Variants in RNF145 observed in about 807,000 individuals in gnomAD.
The protein encoded by RNF145 is ring finger protein 145.
RNF145 carries 12 observed loss-of-function variants against 57.3 expected under a neutral mutation model. That is an observed-to-expected ratio of 0.21 (90% CI 0.13 to 0.34). The LOEUF is 0.34. Among genes scored for constraint, RNF145 ranks in the 10% least tolerant of loss-of-function variants. The probability of loss-of-function intolerance (pLI) is 1.00; values close to 1 mark genes in which losing one functional copy is unlikely to be tolerated. For missense variants in RNF145, 429 were observed against 799.0 expected (o/e 0.54, Z 5.58); for synonymous variants, 262 against 288.3 (o/e 0.91, Z 0.92).
Position 159,208,021 on chromosome 5 carries a change from C to A in RNF145, c.-40+1210G>T, listed in dbSNP as rs185665460. 4.6e-6 allele frequency: 7 copies of A among 1,533,318 alleles called. No homozygotes were observed. In the African/African-American group the frequency reaches 9.6e-5, roughly 21 times the overall value. 95.0% of individuals were successfully genotyped at this position (1,533,318 alleles called of 1,614,324 possible). ...AAAAAGACACACAGTCCTCTCCTTCCCTTTCAGACTAGTTTCCTCTTTACT... is the reference window on the plus strand; with the variant it reads ...AAAAAGACACACAGTCCTCTCCTTCACTTTCAGACTAGTTTCCTCTTTACT... On this transcript the variant is annotated intron_variant, in intron 1 of 10. Transcript: ENST00000424310.
rs1244530194 is a variant in RNF145 at position 159,183,753 on chromosome 5, G to A, written c.294-1702C>T. Reference sequence around the variant, plus strand: ...TGGTCATAGCATATCTCTCTCCAATGGATACAGTTTAAACAGGGGCCAGGA... The same window carrying A: ...TGGTCATAGCATATCTCTCTCCAATAGATACAGTTTAAACAGGGGCCAGGA... On this transcript the variant is annotated intron_variant, in intron 3 of 10. Transcript: ENST00000424310. Among the ~76,000 whole-genome samples, 4 of 152,144 alleles carry A rather than the reference G, an allele frequency of 2.6e-5. No individual in the cohort carries two copies. The East Asian group carries it at 7.7e-4, about 29-fold the overall frequency.
intron 3 of RNF145, among the ~76,000 whole-genome samples, chr5:159,185,907 G>C (rs1367316582): frequency 6.6e-6 from 1 of 152,060 alleles, no homozygotes. Flanking sequence ...CTCAAACTGG[G>C]GCCACAAGGA....
At chr5:159,160,791 T>C (rs183062796) in intron 10 of RNF145, among the ~76,000 whole-genome samples, 5 of 152,312 alleles carry the variant, frequency 3.3e-5, no homozygotes, top group East Asian at 1.9e-4. Context: ...ACCAAATGCT[T>C]GTACCCTCGG....
intron 5 of RNF145, among the ~76,000 whole-genome samples, chr5:159,175,871 A>C (rs943491499): frequency 6.6e-6 from 1 of 152,178 alleles, no homozygotes; most frequent in African/African-American, 2.4e-5. Flanking sequence ...GTGACATTTT[A>C]ACACTCTCTT....
chr5:159,209,450 C>CG lies in RNF145; in HGVS notation c.-260dup. On this transcript the variant is annotated 5_prime_UTR_variant, in exon 1 of 11. Transcript: ENST00000424310. ...GCGGCCCGGCCCGTACGGTCACCAT[C>CG]GTCCGCGGCAGCAGGCGCTCGCGGG... is the stretch of plus-strand genomic sequence containing the variant. 1.0e-6 allele frequency: 1 copy of CG among 982,732 alleles called. No individual in the cohort carries two copies. Among genetic ancestry groups the CG allele is most frequent in the Non-Finnish European group, 1.2e-6 (1 of 827,282 alleles). 60.9% of individuals were successfully genotyped at this position (982,732 alleles called of 1,614,324 possible). A position where few individuals can be genotyped will look rare whatever the true frequency, so the allele number is the denominator to read the frequency against.
At chr5:159,194,634 C>G (rs1785394253) in intron 3 of RNF145, 82 bp downstream of exon 3, 2 of 882,856 alleles carry the variant, frequency 2.3e-6, no homozygotes, top group Non-Finnish European at 3.7e-6. Context: ...CTTTACTTAA[C>G]AGTGTTCATG....
intron 1 of RNF145, chr5:159,207,905 C>T (rs767752972): frequency 6.2e-7 from 1 of 1,612,320 alleles, no homozygotes; most frequent in African/African-American, 1.3e-5. Flanking sequence ...ATCGGCCGCT[C>T]AGCCTGGGTC....
At chr5:159,182,611 A>G (rs1190769296) in intron 3 of RNF145, among the ~76,000 whole-genome samples, 1 of 152,176 alleles carries the variant, frequency 6.6e-6, no homozygotes, top group African/African-American at 2.4e-5. Context: ...AGTAGGCTAC[A>G]TATTTACTTT....
In RNF145 at chr5:159,158,788, C is replaced by A. The variant is rs745401448; in HGVS notation, c.1874G>T (p.Gly625Val). Residue 625 changes from glycine to valine, a missense_variant, in exon 11 of 11, where the codon GGT becomes GTT. Transcript: ENST00000424310. The stretch of plus-strand genomic sequence containing the variant: ...AATGTACTCATTATTGTCCCTGGAA[C>A]CTTCCTGTATCCTGGTCCCTGGAGT... ...EHTPGTRIQE[G>V]SRDNNEYIAR... 1.2e-6 allele frequency: 2 copies of A among 1,613,966 alleles called. No homozygotes were observed. The highest frequency in any genetic ancestry group is 1.7e-6 in the Non-Finnish European group (2 of 1,179,866).
rs1322066159 is a variant in RNF145 at position 159,192,050 on chromosome 5, A to AG, written c.293+2665dup. Reference sequence around the variant, plus strand: ...AACCAACCAAGAATCGAAAATATTCAGAAAAAAAAAAAAACTGCAATTGGA... The same window carrying AG: ...AACCAACCAAGAATCGAAAATATTCAGGAAAAAAAAAAAAACTGCAATTGGA... On this transcript the variant is annotated intron_variant, in intron 3 of 10. Transcript: ENST00000424310. 4.7e-5 allele frequency among the ~76,000 whole-genome samples: 7 copies of AG among 150,276 alleles called. No individual in the cohort carries two copies. In the South Asian group the frequency reaches 8.4e-4, roughly 18 times the overall value.
At chr5:159,201,271 T>C (rs563226189) in intron 2 of RNF145, among the ~76,000 whole-genome samples, 1 of 152,326 alleles carries the variant, frequency 6.6e-6, no homozygotes, top group South Asian at 2.1e-4. Flanking sequence ...GTGGGCATCC[T>C]GGAACCAACT....
chr5:159,207,827 A>G (rs1474791581), intron 1 of RNF145: 1 of 1,614,158 alleles, frequency 6.2e-7, no homozygotes, highest in East Asian at 2.2e-5. Flanking sequence ...CAGGGAGTCT[A>G]CTCTGAATAC....
At chr5:159,208,769 G>C (rs150326009) in intron 1 of RNF145, among the ~76,000 whole-genome samples, 228 of 152,146 alleles carry the variant, frequency 1.5e-3, no homozygotes, top group Middle Eastern at 3.4e-3. Context: ...AACGAGAAAG[G>C]GAGCTGGAAA....
intron 1 of RNF145, chr5:159,207,966 T>C (rs1785958570): frequency 6.3e-7 from 1 of 1,593,842 alleles, no homozygotes; most frequent in African/African-American, 1.3e-5. Context: ...CAAGATTCAG[T>C]AAAACTGCAC....
rs1277307839 is a variant in RNF145, at chr5:159,178,208, AAATT to A, written c.386-1345_386-1342del. Among the ~76,000 whole-genome samples, 3 of 151,916 alleles carry A rather than the reference AAATT, an allele frequency of 2.0e-5. No individual in the cohort carries two copies. The East Asian group carries it at 5.8e-4, about 29-fold the overall frequency. On this transcript the variant is annotated intron_variant, in intron 4 of 10. Transcript: ENST00000424310. ...TAGCTAATTTTTAATTTTAACTTAAAAATTAATACATTTGATTTATTGTGGAATA... is the reference window on the plus strand; with the variant it reads ...TAGCTAATTTTTAATTTTAACTTAAAAATACATTTGATTTATTGTGGAATA...
At chr5:159,190,840 G>C (rs1003923832) in intron 3 of RNF145, among the ~76,000 whole-genome samples, 5 of 151,874 alleles carry the variant, frequency 3.3e-5, no homozygotes, top group African/African-American at 1.2e-4. Flanking sequence ...AATAATTCAA[G>C]GACAGCACAT....
intron 1 of RNF145, chr5:159,207,736 T>C (rs533598409): frequency 1.2e-6 from 2 of 1,614,106 alleles, no homozygotes; most frequent in African/African-American, 1.3e-5. Flanking sequence ...CACTCCTTGC[T>C]AGCTAACTTT....
chr5:159,162,729 C>T (rs1342779977), intron 9 of RNF145, among the ~76,000 whole-genome samples: 3 of 152,184 alleles, frequency 2.0e-5, no homozygotes, highest in African/African-American at 4.8e-5. Context: ...CCACCGCGCC[C>T]GGCCGGTTTA....
At chr5:159,208,000 A>C in intron 1 of RNF145, 1 of 1,548,072 alleles carries the variant, frequency 6.5e-7, no homozygotes, top group South Asian at 1.2e-5. Flanking sequence ...AAAAATAAAA[A>C]GACACACAGT....
Sources: allele counts gnomAD v4.1 joint callset (sites outside exome capture counted in the v4.1 genomes callset), GRCh38; gene constraint gnomAD v4.1.1; transcripts MANE v1.5; gene names NCBI Gene and HGNC (gene_info 2026-07-23, HGNC 2026-07-21).